The following MESP1 variants were observed in gnomAD, a reference collection of about 807,000 sequenced individuals.
MESP1 encodes the protein mesoderm posterior protein 1.
Under a neutral mutation model 15.2 loss-of-function variants are expected in MESP1, and 22 were observed. The ratio of observed to expected loss-of-function variants is 1.45; its 90% CI spans 1.04 to 2.07. The LOEUF (loss-of-function observed/expected upper bound fraction) is 2.07. Ranked by LOEUF, MESP1 falls within the 30% of genes most tolerant of loss-of-function variation. The pLI is 0.00. For missense variants in MESP1, 484 were observed against 411.9 expected (o/e 1.17, Z -1.51); for synonymous variants, 216 against 192.6 (o/e 1.12, Z -1.01).
chr15:89,746,503 CCACACACACACACAGCCCAACCTCCA>C (rs1967959211), downstream of MESP1, among the ~76,000 whole-genome samples: 2 of 147,688 alleles, frequency 1.4e-5, no homozygotes, highest in Admixed American at 6.7e-5. Flanking sequence ...AGCCCCGCCT[CCACACACACACACAGCCCAACCTCCA>C]CACACGCACA....
At chr15:89,734,020 C>T in the MESP1 span, among the ~76,000 whole-genome samples, 3 of 151,904 alleles carry the variant, frequency 2.0e-5, no homozygotes, top group Non-Finnish European at 4.4e-5. Context: ...TGTGCGCGCG[C>T]GCATGTGTGT....
the MESP1 span, chr15:89,735,346 T>C: frequency 6.6e-5 from 45 of 677,512 alleles, 1 homozygote; most frequent in South Asian, 7.8e-4. Context: ...ATTTGGATTG[T>C]TCTTAATTTT....
the MESP1 span, among the ~76,000 whole-genome samples, chr15:89,734,776 G>A: frequency 6.6e-6 from 1 of 150,566 alleles, no homozygotes; most frequent in East Asian, 2.0e-4. Context: ...CTTGAGCTCA[G>A]GAGTTCAAGA....
At chr15:89,738,320 T>C in the MESP1 span, 12 of 1,447,052 alleles carry the variant, frequency 8.3e-6, no homozygotes, top group South Asian at 1.6e-4. Context: ...TCATGGTAAA[T>C]CCTTTCAGCA....
At position 89,751,075 on chromosome 15, in the gene MESP1, C is replaced by CACGGGGCTCGGCACGGGGCTCGG. The variant is rs763577487; in HGVS notation, c.156_157insCCGAGCCCCGTGCCGAGCCCCGT (p.Ala53ProfsTer25). 1.4e-4 allele frequency: 182 copies of CACGGGGCTCGGCACGGGGCTCGG among 1,316,452 alleles called. No homozygotes were observed. Among genetic ancestry groups the CACGGGGCTCGGCACGGGGCTCGG allele is most frequent in the African/African-American group, 4.1e-4 (27 of 65,160 alleles). The allele number at this position is 1,316,452 out of a possible 1,614,324, so 81.5% of individuals were successfully genotyped here. A position where few individuals can be genotyped will look rare whatever the true frequency, so the allele number is the denominator to read the frequency against. On this transcript the variant is annotated frameshift_variant, in exon 1 of 2. Transcript: ENST00000300057. LOFTEE classifies it high-confidence loss of function. The stretch of plus-strand genomic sequence containing the variant: ...AGGGTGCCTGGCCGCGCGGGGCTCG[C>CACGGGGCTCGGCACGGGGCTCGG]CACGGGGCTGTCGGCTGGGGTGCTG...
At chr15:89,743,617 A>C in the MESP1 span, 1 of 567,524 alleles carries the variant, frequency 1.8e-6, no homozygotes, top group East Asian at 3.0e-5. Context: ...TCACCCAAAT[A>C]AACAGTGATA....
the MESP1 span, chr15:89,743,618 AAC>A: frequency 8.8e-6 from 5 of 566,480 alleles, no homozygotes; most frequent in Non-Finnish European, 1.6e-5. Flanking sequence ...CACCCAAATA[AAC>A]AGTGATATTG....
At chr15:89,747,990 T>A (rs963238308), downstream of MESP1, among the ~76,000 whole-genome samples, 3 of 152,160 alleles carry the variant, frequency 2.0e-5, no homozygotes, top group Admixed American at 6.5e-5. Flanking sequence ...TCTCCAGTCC[T>A]GAGTCTGGGC....
intron 1 of MESP1, 54 bp from the exon 2 acceptor site, chr15:89,750,281 G>A (rs371954777): frequency 3.7e-6 from 6 of 1,601,472 alleles, no homozygotes; most frequent in East Asian, 2.2e-5. Context: ...CCTTGTGCGG[G>A]TGTCCGCGCT....
downstream of MESP1, among the ~76,000 whole-genome samples, chr15:89,744,893 T>C (rs1249729995): frequency 6.6e-6 from 1 of 152,102 alleles, no homozygotes; most frequent in Non-Finnish European, 1.5e-5. Context: ...CCCTTCCCAA[T>C]AGTGCCGGCA....
chr15:89,743,595 C>T, the MESP1 span: 1 of 588,098 alleles, frequency 1.7e-6, no homozygotes, highest in African/African-American at 1.9e-5. Context: ...AGCCCTCAGG[C>T]AGGCAGATGT....
chr15:89,736,052 G>T, the MESP1 span, among the ~76,000 whole-genome samples: 2 of 152,224 alleles, frequency 1.3e-5, no homozygotes, highest in African/African-American at 2.4e-5. Context: ...CCAGACCATG[G>T]AAGGTCCTGT....
chr15:89,748,148 A>C (rs1968007801), downstream of MESP1, among the ~76,000 whole-genome samples: 1 of 152,254 alleles, frequency 6.6e-6, no homozygotes, highest in Admixed American at 6.5e-5. Flanking sequence ...AGACTTGCTA[A>C]TAACTTTAAT....
chr15:89,740,310 T>C, the MESP1 span, among the ~76,000 whole-genome samples: 12 of 152,114 alleles, frequency 7.9e-5, no homozygotes, highest in Non-Finnish European at 1.3e-4. Context: ...CCTTCCTGCA[T>C]TGTAGTGGGT....
At chr15:89,740,866 G>A in the MESP1 span, among the ~76,000 whole-genome samples, 3 of 152,146 alleles carry the variant, frequency 2.0e-5, no homozygotes, top group South Asian at 2.1e-4. Flanking sequence ...TTGGCCGGGC[G>A]CGGTGGCTCA....
At chr15:89,750,314 C>A in intron 1 of MESP1, 87 bp from the exon 2 acceptor site, 1 of 1,575,540 alleles carries the variant, frequency 6.3e-7, no homozygotes, top group Non-Finnish European at 8.7e-7. Flanking sequence ...TCTCAGGGGG[C>A]CCCTAGCGAG....
At chr15:89,742,930 G>A in the MESP1 span, among the ~76,000 whole-genome samples, 5 of 152,228 alleles carry the variant, frequency 3.3e-5, no homozygotes, top group African/African-American at 7.2e-5. Context: ...TTCAGTCAGC[G>A]TAATGTCCTC....
Position 89,750,818 on chromosome 15 carries a change from G to T in MESP1, c.414C>A (p.Ala138=). ...LAIRYIGHLS[A]VLGLSEESLQ... ...GACTCTCCTCGCTGAGGCCTAGCAC[G>T]GCCGACAGGTGGCCGATATAGCGGA... The change falls in exon 1 of 2, where the codon GCC becomes GCA. Residue 138 remains alanine, a synonymous_variant. Transcript: ENST00000300057. 6.5e-7 allele frequency: 1 copy of T among 1,529,414 alleles called. No individual in the cohort carries two copies. Among genetic ancestry groups the T allele is most frequent in the Non-Finnish European group, 8.7e-7 (1 of 1,144,170 alleles). The allele number at this position is 1,529,414 out of a possible 1,614,324, so 94.7% of individuals were successfully genotyped here. A position where few individuals can be genotyped will look rare whatever the true frequency, so the allele number is the denominator to read the frequency against.
the MESP1 span, chr15:89,733,242 G>T: frequency 1.9e-6 from 3 of 1,601,660 alleles, no homozygotes; most frequent in South Asian, 1.1e-5. Context: ...AGGGTGGGAC[G>T]GGGTAAATAA....
Sources: gnomAD v4.1 joint callset for allele counts (sites outside exome capture counted in the v4.1 genomes callset) on GRCh38, gnomAD v4.1.1 for gene constraint, MANE v1.5 for transcripts, NCBI Gene and HGNC (gene_info 2026-07-23, HGNC 2026-07-21) for gene names.